The following SMPD3 variants were observed in gnomAD, a reference collection of about 807,000 sequenced individuals.
The protein encoded by SMPD3 is nSMase-2.
In SMPD3, 21 loss-of-function variants were observed where a neutral mutation model predicts 55.7. The ratio of observed to expected loss-of-function variants is 0.38; its 90% confidence interval spans 0.27 to 0.54. SMPD3 has a LOEUF of 0.54. Ranked by LOEUF, SMPD3 falls within the 20% of genes least tolerant of loss-of-function variation. The pLI is 0.80. For missense variants in SMPD3, 842 were observed against 899.6 expected (o/e 0.94, Z 0.82); for synonymous variants, 457 against 404.3 (o/e 1.13, Z -1.56).
intron 1 of SMPD3, among the ~76,000 whole-genome samples, chr16:68,438,727 C>T (rs2090544453): frequency 6.6e-6 from 1 of 152,120 alleles, no homozygotes; most frequent in Admixed American, 6.5e-5. Flanking sequence ...AGAGATTATC[C>T]ATATTGTACC....
chr16:68,418,378 AAAG>A (rs2090356236), intron 1 of SMPD3, among the ~76,000 whole-genome samples: 1 of 152,206 alleles, frequency 6.6e-6, no homozygotes, highest in African/African-American at 2.4e-5. Flanking sequence ...AAAAAAAAAA[AAAG>A]GTTGTAGATG....
chr16:68,423,755 C>T (rs1258350163), intron 1 of SMPD3, among the ~76,000 whole-genome samples: 13 of 152,130 alleles, frequency 8.5e-5, no homozygotes, highest in Non-Finnish European at 1.8e-4. Context: ...ATTTTTTACC[C>T]ACCAGCAGGT....
chr16:68,391,641 C>G (rs1001936337), intron 1 of SMPD3, among the ~76,000 whole-genome samples: 4 of 152,094 alleles, frequency 2.6e-5, no homozygotes, highest in East Asian at 1.9e-4. Context: ...GGAGGGGAGA[C>G]AAGCAGGAAG....
chr16:68,429,636 T>A (rs2090464609), intron 1 of SMPD3, among the ~76,000 whole-genome samples: 1 of 152,194 alleles, frequency 6.6e-6, no homozygotes, highest in African/African-American at 2.4e-5. Flanking sequence ...GGGGTGGGGT[T>A]GTGTAGCCCA....
At chr16:68,361,449 A>T in intron 8 of SMPD3, 142 bp from the exon 9 acceptor site, 1 of 1,374,010 alleles carries the variant, frequency 7.3e-7, no homozygotes, top group South Asian at 1.3e-5. Context: ...TGGGGCCTGG[A>T]GGACCTGGGG....
chr16:68,431,574 C>A (rs1408969932), intron 1 of SMPD3, among the ~76,000 whole-genome samples: 1 of 152,166 alleles, frequency 6.6e-6, no homozygotes, highest in African/African-American at 2.4e-5. Flanking sequence ...ATACTAATAA[C>A]TGCTATGTTT....
intron 1 of SMPD3, among the ~76,000 whole-genome samples, chr16:68,409,743 G>A (rs927076494): frequency 6.6e-5 from 10 of 152,220 alleles, no homozygotes; most frequent in East Asian, 1.9e-4. Context: ...ATAGGCGCCC[G>A]CCACCACGCC....
intron 1 of SMPD3, among the ~76,000 whole-genome samples, chr16:68,433,044 C>G (rs1475991436): frequency 6.6e-6 from 1 of 152,130 alleles, no homozygotes; most frequent in Non-Finnish European, 1.5e-5. Flanking sequence ...GCTCAAATGA[C>G]TCTCCTGCCT....
intron 1 of SMPD3, among the ~76,000 whole-genome samples, chr16:68,411,287 T>A (rs1212599922): frequency 6.6e-6 from 1 of 152,180 alleles, no homozygotes; most frequent in Non-Finnish European, 1.5e-5. Context: ...ACTTGGCACT[T>A]GGGTGCTGTT....
At chr16:68,384,943 T>C (rs2090026071) in intron 2 of SMPD3, among the ~76,000 whole-genome samples, 1 of 152,016 alleles carries the variant, frequency 6.6e-6, no homozygotes, top group Admixed American at 6.6e-5. Flanking sequence ...TTCCCTCCCT[T>C]CCTTCCTTTC....
At chr16:68,422,002 C>T (rs2090398982) in intron 1 of SMPD3, among the ~76,000 whole-genome samples, 1 of 152,178 alleles carries the variant, frequency 6.6e-6, no homozygotes, top group Admixed American at 6.5e-5. Context: ...GAGAGGGAAG[C>T]AAGACCGCTG....
At chr16:68,406,844 C>T (rs140483698) in intron 1 of SMPD3, among the ~76,000 whole-genome samples, 7 of 152,274 alleles carry the variant, frequency 4.6e-5, no homozygotes, top group Admixed American at 2.0e-4. Context: ...GGAGGAGACA[C>T]GGCCACAGAC....
At chr16:68,415,827 A>G (rs1464940403) in intron 1 of SMPD3, among the ~76,000 whole-genome samples, 1 of 143,464 alleles carries the variant, frequency 7.0e-6, no homozygotes, top group Non-Finnish European at 1.5e-5. Flanking sequence ...TTTTTAGGTT[A>G]CAAGAGACTT....
intron 3 of SMPD3, among the ~76,000 whole-genome samples, chr16:68,365,749 C>T (rs1007905581): frequency 3.9e-5 from 6 of 152,228 alleles, no homozygotes; most frequent in Non-Finnish European, 5.9e-5. Context: ...TGGCAGCATC[C>T]TCTTCAGGTC....
At chr16:68,386,135 A>T (rs1409138897) in intron 2 of SMPD3, among the ~76,000 whole-genome samples, 1 of 151,864 alleles carries the variant, frequency 6.6e-6, no homozygotes, top group Admixed American at 6.6e-5. Context: ...GGTGAGAGGA[A>T]CACTTGAGCC....
chr16:68,375,628 ACTCT>A (rs200689252), intron 2 of SMPD3, among the ~76,000 whole-genome samples: 1 of 147,424 alleles, frequency 6.8e-6, no homozygotes. Context: ...GAGGAGAGAG[ACTCT>A]CTCCTCAGCT....
At chr16:68,432,283 G>C (rs1041652770) in intron 1 of SMPD3, among the ~76,000 whole-genome samples, 2 of 152,156 alleles carry the variant, frequency 1.3e-5, no homozygotes, top group Admixed American at 1.3e-4. Flanking sequence ...TCTTTCCAGA[G>C]TGGTCTCATG....
At position 68,372,143 on chromosome 16, in the gene SMPD3, C is replaced by G; in HGVS notation, c.39G>C (p.Leu13=). 2.5e-6 allele frequency: 4 copies of G among 1,612,850 alleles called. No homozygotes were observed. Among genetic ancestry groups the G allele is most frequent in the Non-Finnish European group, 3.4e-6 (4 of 1,179,628 alleles). The part of the protein sequence containing the change: ...LYTTPFPNSC[L]SALHCVSWAL... ...CCCAGGACACACAGTGCAGGGCGGA[C>G]AGACAGCTGTTAGGAAAGGGGGTCG... The change falls in exon 3 of 9, where the codon CTG becomes CTC. Residue 13 remains leucine, a synonymous_variant. Coordinates refer to ENST00000219334, the MANE Select transcript of SMPD3 (RefSeq NM_018667.4).
At position 68,447,423 on chromosome 16, in the gene SMPD3, G is replaced by A. The variant is rs897977085; in HGVS notation, c.-269+930C>T. On this transcript the variant is annotated intron_variant, in intron 1 of 8. Coordinates refer to ENST00000219334, the MANE Select transcript of SMPD3 (RefSeq NM_018667.4). This position sits in a 1 kb window ranked among gnomAD's most constrained non-coding sequence, Gnocchi z 5.1. ...CCAGAGGCTCGGTCCCCGGGGCGTG[G>A]TGGGCTAGGGCGGGTCGTCTCGACT... Among the ~76,000 whole-genome samples, 8 of 152,194 alleles carry A rather than the reference G, an allele frequency of 5.3e-5. No homozygotes were observed. The highest frequency in any genetic ancestry group is 1.9e-4 in the African/African-American group (8 of 41,454).
Sources: allele counts gnomAD v4.1 joint callset (sites outside exome capture counted in the v4.1 genomes callset), GRCh38; gene constraint gnomAD v4.1.1; non-coding constraint Gnocchi (gnomAD v3.1); transcripts MANE v1.5; gene names NCBI Gene and HGNC (gene_info 2026-07-23, HGNC 2026-07-21).